IQCK: variants seen among roughly 807,000 people sequenced by gnomAD.
IQCK encodes the protein IQ motif containing K.
In IQCK, 29 loss-of-function variants were observed where a neutral mutation model predicts 28.1. That is an observed-to-expected ratio of 1.03 (90% CI 0.77 to 1.41). The LOEUF is 1.41. Ranked by LOEUF, IQCK falls within the 40% of genes most tolerant of loss-of-function variation. The pLI is 0.00. For missense variants in IQCK, 359 were observed against 314.7 expected (o/e 1.14, Z -1.07); for synonymous variants, 113 against 115.1 (o/e 0.98, Z 0.12).
intron 4 of IQCK, among the ~76,000 whole-genome samples, chr16:19,760,242 C>T (rs929449399): frequency 6.6e-6 from 1 of 152,192 alleles, no homozygotes; most frequent in Non-Finnish European, 1.5e-5. Context: ...AATAATAGTG[C>T]TAAAAAGTCT....
chr16:19,745,825 C>A (rs1378920715), intron 4 of IQCK, among the ~76,000 whole-genome samples: 2 of 152,152 alleles, frequency 1.3e-5, no homozygotes, highest in African/African-American at 4.8e-5. Flanking sequence ...ACTCATGTGT[C>A]TGGGGCCCTG....
Position 19,775,866 on chromosome 16 carries a change from CTTTTTTTTTTTTTTTTTTTTT to C in IQCK, c.605+11767_605+11787del, listed in dbSNP as rs570530152. On this transcript the variant is annotated intron_variant, in intron 6 of 7. Coordinates refer to ENST00000564186, the Ensembl canonical transcript of IQCK. ...CTAGCTGTTCTGTTCTGGGCACAGG[CTTTTTTTTTTTTTTTTTTTTT>C]TTTTTTTTTTTTGAGAAGGAGTCTA... is the stretch of plus-strand genomic sequence containing the variant. 6.6e-4 allele frequency among the ~76,000 whole-genome samples: 25 copies of C among 37,726 alleles called. No homozygotes were observed. The East Asian group carries it at 0.021, about 32-fold the overall frequency. The allele number at this position is 37,726 out of a possible 152,430, so 24.7% of individuals were successfully genotyped here.
At chr16:19,748,441 A>C (rs1355337858) in intron 4 of IQCK, among the ~76,000 whole-genome samples, 1 of 152,040 alleles carries the variant, frequency 6.6e-6, no homozygotes, top group East Asian at 1.9e-4. Context: ...CTGTGCCCCC[A>C]TTTTCTGATC....
intron 9 of IQCK, 76 bp from the exon 9 acceptor site, chr16:19,856,411 G>C (rs991715151): frequency 8.1e-7 from 1 of 1,242,022 alleles, no homozygotes; most frequent in South Asian, 1.3e-5. Flanking sequence ...CCACACATCA[G>C]AGTTTCCGGT....
At chr16:19,776,017 G>A (rs1198748471) in intron 6 of IQCK, among the ~76,000 whole-genome samples, 1 of 151,630 alleles carries the variant, frequency 6.6e-6, no homozygotes, top group Non-Finnish European at 1.5e-5. Flanking sequence ...AAGTAGCTGG[G>A]CTATAGGCAC....
intron 1 of IQCK, among the ~76,000 whole-genome samples, chr16:19,719,656 C>T (rs183788480): frequency 7.0e-6 from 1 of 142,880 alleles, no homozygotes; most frequent in Admixed American, 7.0e-5. Flanking sequence ...AACTGAATTT[C>T]TTGTTGGACT....
rs919840787 is a variant in IQCK, at chr16:19,756,003, C to G, written c.475-7845C>G. Among the ~76,000 whole-genome samples, 2 of 152,148 alleles carry G rather than the reference C, an allele frequency of 1.3e-5. 1 individual carries two copies. Among genetic ancestry groups the G allele is most frequent in the South Asian group, 4.2e-4 (2 of 4,814 alleles). The stretch of plus-strand genomic sequence containing the variant: ...TTCAAGACCAGCCCAAGCAACATAG[C>G]AAGACCTTGTCTTTACTAAAATTCA... On this transcript the variant is annotated intron_variant, in intron 4 of 7. Coordinates refer to ENST00000564186, the Ensembl canonical transcript of IQCK.
At chr16:19,720,926 C>T (rs1298068875) in intron 1 of IQCK, among the ~76,000 whole-genome samples, 1 of 151,712 alleles carries the variant, frequency 6.6e-6, no homozygotes, top group Non-Finnish European at 1.5e-5. Context: ...GCAGGAGAGT[C>T]GCTTGAACCT....
intron 6 of IQCK, among the ~76,000 whole-genome samples, chr16:19,782,675 C>A (rs562953229): frequency 6.6e-6 from 1 of 152,154 alleles, no homozygotes; most frequent in Admixed American, 6.5e-5. Context: ...AATTTTGATT[C>A]CAAAATTTCA....
intron 4 of IQCK, among the ~76,000 whole-genome samples, chr16:19,752,752 TG>T (rs947974828): frequency 6.6e-6 from 1 of 152,068 alleles, no homozygotes; most frequent in African/African-American, 2.4e-5. Flanking sequence ...TTTGTAGAGA[TG>T]GGGCTTTGCC....
At chr16:19,814,291 G>T (rs974562404) in intron 7 of IQCK, among the ~76,000 whole-genome samples, 1 of 145,528 alleles carries the variant, frequency 6.9e-6, no homozygotes, top group Middle Eastern at 3.5e-3. Context: ...TGTAATCCCA[G>T]CTACTCAGGA....
At chr16:19,759,380 A>G (rs1220107488) in intron 4 of IQCK, among the ~76,000 whole-genome samples, 2 of 151,664 alleles carry the variant, frequency 1.3e-5, no homozygotes, top group African/African-American at 4.8e-5. Context: ...GGCTTATTTT[A>G]GTATTTTTAG....
chr16:19,721,069 CTG>C (rs1221140878), intron 1 of IQCK, among the ~76,000 whole-genome samples: 5 of 151,576 alleles, frequency 3.3e-5, no homozygotes, highest in African/African-American at 1.2e-4. Context: ...CACATGGACA[CTG>C]TGATGAGTAT....
At chr16:19,847,611 T>A (rs904897615) in intron 9 of IQCK, among the ~76,000 whole-genome samples, 5 of 152,216 alleles carry the variant, frequency 3.3e-5, no homozygotes, top group African/African-American at 9.6e-5. Flanking sequence ...TGTCTTCTGC[T>A]GAACATTATG....
intron 9 of IQCK, among the ~76,000 whole-genome samples, chr16:19,832,818 A>G (rs1597598949): frequency 6.6e-6 from 1 of 152,284 alleles, no homozygotes. Context: ...CACGTCTTAT[A>G]TGGCGGCAGG....
At chr16:19,848,191 T>C (rs1038805943) in intron 9 of IQCK, among the ~76,000 whole-genome samples, 9 of 152,186 alleles carry the variant, frequency 5.9e-5, no homozygotes, top group African/African-American at 2.2e-4. Flanking sequence ...TTTTAACCAT[T>C]CTGGTGGGTG....
chr16:19,746,153 CAAAAA>C (rs1163809152), intron 4 of IQCK, among the ~76,000 whole-genome samples: 1 of 57,966 alleles, frequency 1.7e-5, no homozygotes. Context: ...GACTATGTCT[CAAAAA>C]AAAAAAAAAA....
intron 9 of IQCK, among the ~76,000 whole-genome samples, chr16:19,851,698 G>T (rs1469475048): frequency 6.6e-6 from 1 of 152,192 alleles, no homozygotes; most frequent in Non-Finnish European, 1.5e-5. Flanking sequence ...TTCCGGAACT[G>T]GCTGGGCACC....
intron 6 of IQCK, among the ~76,000 whole-genome samples, chr16:19,772,113 C>T (rs2055328290): frequency 6.6e-6 from 1 of 152,106 alleles, no homozygotes; most frequent in Admixed American, 6.5e-5. Flanking sequence ...AGACTGGGCC[C>T]AGGGGATCGT....
Sources: gnomAD v4.1 joint callset for allele counts (sites outside exome capture counted in the v4.1 genomes callset) on GRCh38, gnomAD v4.1.1 for gene constraint, MANE v1.5 for transcripts, NCBI Gene and HGNC (gene_info 2026-07-23, HGNC 2026-07-21) for gene names.